Variants in NRXN3 observed in about 807,000 individuals in gnomAD.
NRXN3 encodes the protein neurexin III.
NRXN3 carries 32 observed loss-of-function variants against 137.6 expected under a neutral mutation model. The ratio of observed to expected loss-of-function variants is 0.23; its 90% CI spans 0.18 to 0.31. NRXN3 has a LOEUF of 0.31. Among genes scored for constraint, NRXN3 ranks in the 10% least tolerant of loss-of-function variants. The pLI, the probability that NRXN3 is intolerant of heterozygous loss-of-function variation, is 1.00. For synonymous variants in NRXN3, 798 were observed against 784.5 expected, an observed-to-expected ratio of 1.02 and a Z score of -0.29; for missense variants, 1,574 against 2,062.5, an observed-to-expected ratio of 0.76 and a Z score of 4.59.
chr14:79,331,055 T>A (rs1321070931), intron 15 of NRXN3, among the ~76,000 whole-genome samples: 2 of 152,222 alleles, frequency 1.3e-5, no homozygotes, highest in Non-Finnish European at 2.9e-5. Context: ...GCTGGCTGAT[T>A]GACTGTTTCC....
chr14:78,562,575 G>T (rs1193070651), intron 4 of NRXN3, among the ~76,000 whole-genome samples: 1 of 151,892 alleles, frequency 6.6e-6, no homozygotes, highest in East Asian at 1.9e-4. Flanking sequence ...GAGGCCTTGG[G>T]GAAAGAGATA....
At chr14:79,437,976 C>A (rs2095870402) in intron 15 of NRXN3, among the ~76,000 whole-genome samples, 1 of 152,034 alleles carries the variant, frequency 6.6e-6, no homozygotes, top group African/African-American at 2.4e-5. Context: ...TTTTTTAGTT[C>A]CCTTTTTGAT....
At chr14:78,948,979 T>C (rs1053996265) in intron 10 of NRXN3, among the ~76,000 whole-genome samples, 5 of 152,162 alleles carry the variant, frequency 3.3e-5, no homozygotes, top group African/African-American at 1.2e-4. Flanking sequence ...GTCTCTTGAT[T>C]CCTAAAGCTG....
intron 4 of NRXN3, among the ~76,000 whole-genome samples, chr14:78,644,684 T>C (rs947017111): frequency 3.3e-5 from 5 of 152,178 alleles, no homozygotes; most frequent in Non-Finnish European, 7.3e-5. Flanking sequence ...TTTTTAGTTA[T>C]TGGTCAATAA....
intron 4 of NRXN3, among the ~76,000 whole-genome samples, chr14:78,412,403 G>A (rs921698120): frequency 2.2e-4 from 34 of 151,744 alleles, no homozygotes; most frequent in African/African-American, 6.8e-4. Flanking sequence ...TAAGGCACTT[G>A]AAATTTGGAG....
At chr14:79,177,145 G>T (rs1408929598) in intron 15 of NRXN3, among the ~76,000 whole-genome samples, 1 of 152,182 alleles carries the variant, frequency 6.6e-6, no homozygotes, top group Non-Finnish European at 1.5e-5. Context: ...TTTGTAAACA[G>T]GGTGGATATT....
intron 16 of NRXN3, among the ~76,000 whole-genome samples, chr14:79,597,453 C>A (rs2097869724): frequency 6.6e-6 from 1 of 152,128 alleles, no homozygotes; most frequent in Admixed American, 6.5e-5. Context: ...ACAAAACAGA[C>A]AAAGAGGGTT....
At chr14:79,415,737 T>C (rs1567063372) in intron 15 of NRXN3, among the ~76,000 whole-genome samples, 1 of 152,140 alleles carries the variant, frequency 6.6e-6, no homozygotes. Flanking sequence ...AAATGTAGCA[T>C]TGAGCCTATG....
intron 4 of NRXN3, among the ~76,000 whole-genome samples, chr14:78,553,649 A>G (rs927346370): frequency 2.0e-5 from 3 of 152,176 alleles, no homozygotes; most frequent in Admixed American, 6.5e-5. Context: ...AATGGTAACG[A>G]AGTTCTAATT....
intron 4 of NRXN3, among the ~76,000 whole-genome samples, chr14:78,496,826 T>C (rs1350508287): frequency 6.6e-6 from 1 of 151,918 alleles, no homozygotes; most frequent in African/African-American, 2.4e-5. Flanking sequence ...AGGGAGAAGT[T>C]AACTACTGGG....
chr14:78,671,689 A>G (rs1422121431), intron 6 of NRXN3, among the ~76,000 whole-genome samples: 1 of 152,224 alleles, frequency 6.6e-6, no homozygotes, highest in East Asian at 1.9e-4. Context: ...TTTTGCATTT[A>G]TATTCTCCTT....
chr14:79,218,890 G>T (rs1411419549), intron 15 of NRXN3, among the ~76,000 whole-genome samples: 1 of 152,048 alleles, frequency 6.6e-6, no homozygotes. Flanking sequence ...TTTAAGCAAG[G>T]TGCTAAATTA....
At chr14:78,731,163 T>C (rs1448046011) in intron 8 of NRXN3, among the ~76,000 whole-genome samples, 2 of 152,150 alleles carry the variant, frequency 1.3e-5, no homozygotes, top group South Asian at 2.1e-4. Context: ...GATGGGACAA[T>C]TGATATAATG....
chr14:78,934,154 C>T (rs867275367), intron 10 of NRXN3, among the ~76,000 whole-genome samples: 9 of 138,286 alleles, frequency 6.5e-5, no homozygotes, highest in Non-Finnish European at 1.2e-4. Flanking sequence ...GACAAGAAAA[C>T]GACAACCAAA....
At chr14:78,667,929 G>A (rs946271544) in intron 6 of NRXN3, among the ~76,000 whole-genome samples, 3 of 151,988 alleles carry the variant, frequency 2.0e-5, no homozygotes, top group East Asian at 1.9e-4. Flanking sequence ...GATTACAAGC[G>A]CCCGCCACCA....
intron 1 of NRXN3, among the ~76,000 whole-genome samples, chr14:78,177,614 T>G (rs1010707853): frequency 3.3e-5 from 5 of 152,152 alleles, no homozygotes; most frequent in African/African-American, 9.7e-5. Flanking sequence ...TGGCCATCCT[T>G]CTTTAAGACG....
intron 15 of NRXN3, among the ~76,000 whole-genome samples, chr14:79,361,545 C>T (rs2093680905): frequency 1.3e-5 from 2 of 152,030 alleles, no homozygotes; most frequent in East Asian, 1.9e-4. Context: ...GGTGACACCC[C>T]GTCTCTATAA....
intron 6 of NRXN3, among the ~76,000 whole-genome samples, chr14:78,654,016 G>A (rs758592078): frequency 2.0e-5 from 3 of 152,226 alleles, no homozygotes; most frequent in Non-Finnish European, 2.9e-5. Context: ...CCTGTACAGC[G>A]TGATAGTCTT....
At chr14:78,199,260 G>A (rs1261166200) in intron 1 of NRXN3, among the ~76,000 whole-genome samples, 1 of 152,052 alleles carries the variant, frequency 6.6e-6, no homozygotes, top group Admixed American at 6.5e-5. Flanking sequence ...CACTAAGGTG[G>A]TCCAGCCAGT....
Sources: gnomAD v4.1 joint callset for allele counts (sites outside exome capture counted in the v4.1 genomes callset) on GRCh38, gnomAD v4.1.1 for gene constraint, MANE v1.5 for transcripts, NCBI Gene and HGNC (gene_info 2026-07-23, HGNC 2026-07-21) for gene names.